The following JDP2 variants were observed in gnomAD, a reference collection of about 807,000 sequenced individuals.
The protein encoded by JDP2 is Jun dimerization protein 2, also known as progesterone receptor co-activator.
JDP2 carries 9 observed loss-of-function variants against 17.1 expected under a neutral mutation model. The observed-to-expected ratio is 0.53, with a 90% CI of 0.32 to 0.92. JDP2 has a LOEUF of 0.92. Among genes scored for constraint, JDP2 ranks in the 40% least tolerant of loss-of-function variants. The pLI, the probability that JDP2 is intolerant of heterozygous loss-of-function variation, is 0.04. For synonymous variants in JDP2, 107 were observed against 95.6 expected (o/e 1.12, Z -0.69); for missense variants, 179 against 220.0 (o/e 0.81, Z 1.18).
Position 75,430,038 on chromosome 14 carries a change from G to A in JDP2, c.-24+1786G>A, listed in dbSNP as rs528246540. Among the ~76,000 whole-genome samples the A allele has an allele frequency of 3.3e-4, 50 of 152,290 alleles. 1 individual carries two copies. The South Asian group carries it at 0.01, about 31-fold the overall frequency. On this transcript the variant is annotated intron_variant, in intron 1 of 3. Transcript: ENST00000651602. The surrounding 1 kb of genome is among the most constrained non-coding windows in gnomAD (Gnocchi z 4.5). ...GTGGTGACAATGCCCCCTAGGAAGG[G>A]TTTGGATAAGGGTCTCCCCACTCAT...
chr14:75,432,319 C>T, intron 1 of JDP2: 2 of 1,551,524 alleles, frequency 1.3e-6, no homozygotes, highest in Non-Finnish European at 1.7e-6. Flanking sequence ...GTTGATTCTC[C>T]AAGATTCATG....
intron 2 of JDP2, among the ~76,000 whole-genome samples, chr14:75,457,742 T>C (rs1250992357): frequency 6.6e-6 from 1 of 152,226 alleles, no homozygotes; most frequent in Non-Finnish European, 1.5e-5. Flanking sequence ...AGACTTGCCA[T>C]AGCTGTCAGG....
At chr14:75,451,249 T>G (rs2139975539) in intron 2 of JDP2, among the ~76,000 whole-genome samples, 2 of 147,928 alleles carry the variant, frequency 1.4e-5, no homozygotes, top group African/African-American at 5.0e-5. Flanking sequence ...GTGCAGGATC[T>G]GGAGGCCTCC....
intron 2 of JDP2, among the ~76,000 whole-genome samples, chr14:75,447,817 C>G (rs1885672312): frequency 6.6e-6 from 1 of 152,052 alleles, no homozygotes; most frequent in Non-Finnish European, 1.5e-5. Flanking sequence ...ACCACCATGC[C>G]TGGCTAATTT....
At chr14:75,453,245 G>A (rs952644665) in intron 2 of JDP2, among the ~76,000 whole-genome samples, 2 of 152,160 alleles carry the variant, frequency 1.3e-5, no homozygotes, top group Non-Finnish European at 2.9e-5. Context: ...TGGTATGTTT[G>A]GTATTTGGGT....
intron 2 of JDP2, among the ~76,000 whole-genome samples, chr14:75,442,956 G>A (rs544440037): frequency 2.6e-5 from 4 of 152,140 alleles, no homozygotes; most frequent in East Asian, 3.9e-4. Context: ...CCTTTCCAAC[G>A]TAGGGCAGTT....
At chr14:75,450,240 C>A (rs745335400) in intron 2 of JDP2, among the ~76,000 whole-genome samples, 2 of 152,154 alleles carry the variant, frequency 1.3e-5, no homozygotes, top group African/African-American at 2.4e-5. Flanking sequence ...CAGAAGGTGT[C>A]CCCTGCCTCT....
At chr14:75,440,294 C>T (rs1193334518) in intron 2 of JDP2, among the ~76,000 whole-genome samples, 8 of 152,204 alleles carry the variant, frequency 5.3e-5, no homozygotes, top group African/African-American at 1.9e-4. Flanking sequence ...TAGAGAGATG[C>T]CAGCCCTGCA....
chr14:75,427,917 T>TC (rs1298964508), upstream of JDP2: 2 of 151,522 alleles, frequency 1.3e-5, no homozygotes, highest in African/African-American at 4.9e-5. This position sits in a 1 kb window ranked among gnomAD's most constrained non-coding sequence, Gnocchi z 4.4. Flanking sequence ...TTCCTCTCCG[T>TC]CCCCCTCTGA....
intron 3 of JDP2, 148 bp downstream of exon 3, chr14:75,461,678 A>G: frequency 1.5e-6 from 1 of 646,956 alleles, no homozygotes; most frequent in East Asian, 2.8e-5. Context: ...GCTCTTTCCT[A>G]CCTCCTGTTT....
intron 2 of JDP2, among the ~76,000 whole-genome samples, chr14:75,461,030 C>A (rs546423211): frequency 6.6e-6 from 1 of 152,116 alleles, no homozygotes; most frequent in Non-Finnish European, 1.5e-5. Context: ...CAAGAAAGGG[C>A]CAAATTTCCT....
intron 2 of JDP2, among the ~76,000 whole-genome samples, chr14:75,441,357 G>T (rs1475763943): frequency 6.6e-6 from 1 of 152,162 alleles, no homozygotes; most frequent in Admixed American, 6.5e-5. Context: ...TTATTACATG[G>T]TCAACACATG....
intron 3 of JDP2, among the ~76,000 whole-genome samples, chr14:75,462,391 C>T (rs1337490920): frequency 6.6e-6 from 1 of 152,146 alleles, no homozygotes; most frequent in Non-Finnish European, 1.5e-5. Flanking sequence ...CAGTAACTAA[C>T]AATAGTTGCC....
At position 75,469,412 on chromosome 14, in the gene JDP2, C is replaced by T. The variant is rs147720024; in HGVS notation, c.429C>T (p.Thr143=). The T allele has an allele frequency of 4.0e-4, 645 of 1,614,076 alleles. 2 individuals carry two copies. The highest frequency in any genetic ancestry group is 5.2e-4 in the Admixed American group (31 of 60,028). The part of the protein sequence containing the change: ...NRHRPTCIVR[T]DSVKTPESEG... ...ACCGCCCCACCTGCATCGTCCGGAC[C>T]GACAGTGTCAAGACCCCCGAGTCAG... Residue 143 remains threonine, a synonymous_variant, in exon 4 of 4, where the codon ACC becomes ACT. Coordinates refer to ENST00000651602, the MANE Select transcript of JDP2 (RefSeq NM_001135048.2).
intron 2 of JDP2, among the ~76,000 whole-genome samples, chr14:75,450,298 A>G (rs368160311): frequency 6.6e-6 from 1 of 152,166 alleles, no homozygotes; most frequent in African/African-American, 2.4e-5. Flanking sequence ...TGTCCGACCC[A>G]GGACCGGGGC....
chr14:75,452,765 C>A (rs992921986), intron 2 of JDP2, among the ~76,000 whole-genome samples: 5 of 152,226 alleles, frequency 3.3e-5, no homozygotes, highest in African/African-American at 1.2e-4. Flanking sequence ...GCCCTCCCCC[C>A]TCACTAATGG....
At chr14:75,468,012 C>T (rs995605922) in intron 3 of JDP2, among the ~76,000 whole-genome samples, 3 of 152,108 alleles carry the variant, frequency 2.0e-5, no homozygotes, top group Non-Finnish European at 4.4e-5. Flanking sequence ...GACGGGACCC[C>T]TGGAGGGAGA....
chr14:75,441,733 T>C (rs751237868), intron 2 of JDP2, among the ~76,000 whole-genome samples: 1 of 152,236 alleles, frequency 6.6e-6, no homozygotes, highest in Non-Finnish European at 1.5e-5. Context: ...TTTCTAGTAT[T>C]CGCTTTCAGG....
At chr14:75,463,528 C>T (rs896720403) in intron 3 of JDP2, among the ~76,000 whole-genome samples, 15 of 152,094 alleles carry the variant, frequency 9.9e-5, no homozygotes, top group African/African-American at 3.6e-4. Flanking sequence ...CAAGCCTAGC[C>T]AGCTGTGAGA....
Sources: allele counts gnomAD v4.1 joint callset (sites outside exome capture counted in the v4.1 genomes callset), GRCh38; gene constraint gnomAD v4.1.1; non-coding constraint Gnocchi (gnomAD v3.1); transcripts MANE v1.5; gene names NCBI Gene and HGNC (gene_info 2026-07-23, HGNC 2026-07-21).